The following DLGAP1 variants were observed in gnomAD, a reference collection of about 807,000 sequenced individuals.
The protein encoded by DLGAP1 is disks large-associated protein 1.
In DLGAP1, 11 loss-of-function variants were observed where a neutral mutation model predicts 90.8. That is an observed-to-expected ratio of 0.12 (90% confidence interval 0.08 to 0.20). DLGAP1 has a LOEUF of 0.20. DLGAP1 is among the 10% of genes least tolerant of loss of function. The probability of loss-of-function intolerance (pLI) is 1.00; values close to 1 mark genes in which losing one functional copy is unlikely to be tolerated. For missense variants in DLGAP1, 1,050 were observed against 1,333.8 expected (o/e 0.79, Z 3.31); for synonymous variants, 558 against 540.7 (o/e 1.03, Z -0.44).
intron 7 of DLGAP1, among the ~76,000 whole-genome samples, chr18:3,683,011 C>A (rs1481219704): frequency 6.6e-6 from 1 of 152,048 alleles, no homozygotes; most frequent in African/African-American, 2.4e-5. Context: ...CGCGTGCCCT[C>A]ACGCCTGGCT....
chr18:4,388,911 G>A (rs1047195398), intron 1 of DLGAP1, among the ~76,000 whole-genome samples: 8 of 152,092 alleles, frequency 5.3e-5, no homozygotes, highest in Admixed American at 2.0e-4. Flanking sequence ...TACTGTTGAC[G>A]GGAGTGTAAA....
At chr18:4,243,994 C>G (rs2078600800) in intron 1 of DLGAP1, among the ~76,000 whole-genome samples, 1 of 152,126 alleles carries the variant, frequency 6.6e-6, no homozygotes, top group Admixed American at 6.6e-5. Context: ...GGTGTAACTT[C>G]ATCGATTATT....
Position 3,730,251 on chromosome 18 carries a change from T to G in DLGAP1, c.1351-876A>C, listed in dbSNP as rs556946052. ...CTGGGCAACAGAGAGAGATCTTGTC[T>G]CAACAAACAAACAACAACAACAAAA... On this transcript the variant is annotated intron_variant, in intron 6 of 12. Coordinates refer to ENST00000315677, the MANE Select transcript of DLGAP1 (RefSeq NM_004746.4). 6.6e-4 allele frequency among the ~76,000 whole-genome samples: 100 copies of G among 151,350 alleles called. 2 individuals are homozygous for G. Among genetic ancestry groups the G allele is most frequent in the African/African-American group, 2.4e-3 (99 of 41,140 alleles).
intron 3 of DLGAP1, among the ~76,000 whole-genome samples, chr18:3,906,530 T>G (rs1403268661): frequency 6.6e-6 from 1 of 152,334 alleles, no homozygotes; most frequent in East Asian, 1.9e-4. Context: ...AGACGTTTCC[T>G]CAAATCTATT....
At chr18:4,066,663 A>G (rs925195265) in intron 2 of DLGAP1, among the ~76,000 whole-genome samples, 8 of 152,156 alleles carry the variant, frequency 5.3e-5, no homozygotes, top group Non-Finnish European at 1.0e-4. Flanking sequence ...TATTATTAAA[A>G]AGTCAAAAAA....
At chr18:4,231,104 T>C (rs1177365332) in intron 1 of DLGAP1, among the ~76,000 whole-genome samples, 1 of 152,110 alleles carries the variant, frequency 6.6e-6, no homozygotes, top group Non-Finnish European at 1.5e-5. Flanking sequence ...TTCTTATTTA[T>C]TGTCAGAAAT....
intron 3 of DLGAP1, among the ~76,000 whole-genome samples, chr18:3,923,631 A>T (rs983853280): frequency 6.6e-6 from 1 of 152,180 alleles, no homozygotes; most frequent in Non-Finnish European, 1.5e-5. Flanking sequence ...CTTTGAGTTT[A>T]AAAAAACATC....
intron 2 of DLGAP1, among the ~76,000 whole-genome samples, chr18:4,037,470 A>G (rs2074907549): frequency 6.6e-6 from 1 of 152,234 alleles, no homozygotes; most frequent in South Asian, 2.1e-4. Context: ...ATTAATTGAT[A>G]CATATTATAT....
At chr18:4,086,281 G>T (rs2075679742) in intron 2 of DLGAP1, among the ~76,000 whole-genome samples, 1 of 152,128 alleles carries the variant, frequency 6.6e-6, no homozygotes, top group Admixed American at 6.6e-5. Context: ...TCATTCAATT[G>T]CTCCCCTCGT....
At chr18:3,657,063 G>C (rs917982962) in intron 7 of DLGAP1, among the ~76,000 whole-genome samples, 1 of 152,154 alleles carries the variant, frequency 6.6e-6, no homozygotes. Flanking sequence ...GAATTTAAAG[G>C]TGAAAATACC....
At chr18:3,629,968 C>T (rs2146169396) in intron 7 of DLGAP1, among the ~76,000 whole-genome samples, 1 of 152,224 alleles carries the variant, frequency 6.6e-6, no homozygotes, top group Non-Finnish European at 1.5e-5. Context: ...ATTGTTTGGC[C>T]TTTCACATTT....
At chr18:4,256,717 C>G (rs1345368036) in intron 1 of DLGAP1, among the ~76,000 whole-genome samples, 2 of 152,054 alleles carry the variant, frequency 1.3e-5, no homozygotes, top group Non-Finnish European at 2.9e-5. Flanking sequence ...TTTACTCTCT[C>G]CTGAGAGAAC....
At chr18:4,366,332 C>A (rs894161644) in intron 1 of DLGAP1, among the ~76,000 whole-genome samples, 1 of 151,936 alleles carries the variant, frequency 6.6e-6, no homozygotes, top group Non-Finnish European at 1.5e-5. Context: ...TTGAATTTTT[C>A]TTGGAAAATT....
At chr18:3,805,369 T>A (rs992789394) in intron 5 of DLGAP1, among the ~76,000 whole-genome samples, 2 of 152,162 alleles carry the variant, frequency 1.3e-5, no homozygotes, top group African/African-American at 4.8e-5. Context: ...CTAGACAACA[T>A]GGGATTCAGA....
intron 12 of DLGAP1, chr18:3,502,147 T>C: frequency 1.1e-5 from 12 of 1,103,858 alleles, no homozygotes; most frequent in Non-Finnish European, 1.3e-5. Flanking sequence ...TCTTGTTCTA[T>C]GGATTCATGC....
intron 9 of DLGAP1, among the ~76,000 whole-genome samples, chr18:3,545,250 G>T (rs1308607776): frequency 6.6e-6 from 1 of 151,630 alleles, no homozygotes; most frequent in Admixed American, 6.6e-5. Context: ...CTGCAGCCTG[G>T]GTGACAGAGC....
chr18:4,349,499 A>G (rs1479641356), intron 1 of DLGAP1, among the ~76,000 whole-genome samples: 1 of 152,074 alleles, frequency 6.6e-6, no homozygotes, highest in Non-Finnish European at 1.5e-5. Flanking sequence ...GGATCTGGGG[A>G]ATAGGAGAAC....
chr18:3,523,983 A>G (rs1399548969), intron 10 of DLGAP1, among the ~76,000 whole-genome samples: 1 of 152,092 alleles, frequency 6.6e-6, no homozygotes, highest in Non-Finnish European at 1.5e-5. Flanking sequence ...GAAACATAAC[A>G]ACAGGCCAGG....
rs58862252 is a variant in DLGAP1, at chr18:3,639,755, C to CTTTTTTTTTTTTTTT, written c.1592-57522_1592-57508dup. On this transcript the variant is annotated intron_variant, in intron 7 of 12. Coordinates refer to ENST00000315677, the MANE Select transcript of DLGAP1 (RefSeq NM_004746.4). ...GTTCTCCTGCTACCTGCAGAGTTGC[C>CTTTTTTTTTTTTTTT]TTTTTTTTTTTTTTTTTGAGACAGA... Among the ~76,000 whole-genome samples the CTTTTTTTTTTTTTTT allele has an allele frequency of 3.4e-5, 4 of 118,332 alleles. 1 individual carries two copies. Among genetic ancestry groups the CTTTTTTTTTTTTTTT allele is most frequent in the African/African-American group, 7.2e-5 (2 of 27,694 alleles). The allele number at this position is 118,332 out of a possible 152,430, so 77.6% of individuals were successfully genotyped here. A position where few individuals can be genotyped will look rare whatever the true frequency, so the allele number is the denominator to read the frequency against.
Sources: gnomAD v4.1 joint callset for allele counts (sites outside exome capture counted in the v4.1 genomes callset) on GRCh38, gnomAD v4.1.1 for gene constraint, MANE v1.5 for transcripts, NCBI Gene and HGNC (gene_info 2026-07-23, HGNC 2026-07-21) for gene names.